The following TMOD3 variants were observed in gnomAD, a reference collection of about 807,000 sequenced individuals.
TMOD3 encodes tropomodulin 3, also known as tropomodulin-3.
TMOD3 carries 20 observed loss-of-function variants against 39.2 expected under a neutral mutation model. The observed-to-expected ratio is 0.51, with a 90% CI of 0.36 to 0.74. The LOEUF (loss-of-function observed/expected upper bound fraction) is 0.74. Ranked by LOEUF, TMOD3 falls within the 30% of genes least tolerant of loss-of-function variation. TMOD3 has a pLI of 0.00. For synonymous variants in TMOD3, 143 were observed against 145.8 expected (o/e 0.98, Z 0.14); for missense variants, 381 against 412.8 (o/e 0.92, Z 0.67).
intron 1 of TMOD3, among the ~76,000 whole-genome samples, chr15:51,831,905 G>A (rs1378004046): frequency 2.0e-5 from 3 of 152,068 alleles, no homozygotes; most frequent in Non-Finnish European, 4.4e-5. Context: ...GGCCAGGGCC[G>A]GGCCTGGTGG....
intron 9 of TMOD3, among the ~76,000 whole-genome samples, chr15:51,908,399 C>A (rs1213429046): frequency 6.6e-6 from 1 of 152,080 alleles, no homozygotes; most frequent in East Asian, 1.9e-4. Context: ...GATAGTGAGA[C>A]CTAATGTCTG....
At chr15:51,900,065 A>G (rs2056641641) in intron 7 of TMOD3, 90 bp from the exon 8 acceptor site, 1 of 1,202,334 alleles carries the variant, frequency 8.3e-7, no homozygotes, top group South Asian at 1.4e-5. Flanking sequence ...ACATTAAGGC[A>G]GTTAATTAAT....
At chr15:51,891,649 C>G (rs955516418) in intron 5 of TMOD3, among the ~76,000 whole-genome samples, 2 of 152,174 alleles carry the variant, frequency 1.3e-5, no homozygotes, top group Non-Finnish European at 2.9e-5. Flanking sequence ...ATTTCTCTCC[C>G]CATTCCATCT....
At chr15:51,850,987 C>A (rs1290497604) in intron 1 of TMOD3, among the ~76,000 whole-genome samples, 1 of 152,264 alleles carries the variant, frequency 6.6e-6, no homozygotes, top group Admixed American at 6.5e-5. Flanking sequence ...CCAACCTTGG[C>A]CTCCCAAAGT....
chr15:51,904,561 C>T (rs752188280), intron 9 of TMOD3, among the ~76,000 whole-genome samples: 4 of 152,226 alleles, frequency 2.6e-5, no homozygotes, highest in Admixed American at 6.5e-5. Flanking sequence ...TGTTACTTAC[C>T]TCCCTCCAGG....
At chr15:51,895,754 A>G (rs2056617513) in intron 6 of TMOD3, among the ~76,000 whole-genome samples, 1 of 152,160 alleles carries the variant, frequency 6.6e-6, no homozygotes, top group Admixed American at 6.5e-5. Flanking sequence ...TACTCATCAG[A>G]GATGGACTCC....
intron 1 of TMOD3, among the ~76,000 whole-genome samples, chr15:51,837,161 G>C (rs2056290336): frequency 6.6e-6 from 1 of 152,102 alleles, no homozygotes; most frequent in African/African-American, 2.4e-5. Context: ...TATTATTAGT[G>C]ATACTTATAC....
At chr15:51,902,940 C>T (rs1041218832) in intron 9 of TMOD3, among the ~76,000 whole-genome samples, 12 of 152,072 alleles carry the variant, frequency 7.9e-5, no homozygotes, top group Admixed American at 6.5e-4. Context: ...CGTGAGCCAC[C>T]GCGCCCGGCC....
At chr15:51,857,072 A>G (rs1191882895) in intron 1 of TMOD3, among the ~76,000 whole-genome samples, 1 of 152,252 alleles carries the variant, frequency 6.6e-6, no homozygotes, top group East Asian at 1.9e-4. Context: ...AAAGTAGTAT[A>G]GCTCTAAGCA....
intron 3 of TMOD3, among the ~76,000 whole-genome samples, chr15:51,879,877 C>CACACACACACAA (rs2056524314): frequency 6.6e-6 from 1 of 151,440 alleles, no homozygotes; most frequent in Non-Finnish European, 1.5e-5. Context: ...CACACACACA[C>CACACACACACAA]ACACACACAC....
At position 51,911,764 on chromosome 15, in the gene TMOD3, T is replaced by C. The variant is rs2056713067; in HGVS notation, c.*2954T>C. 1.3e-5 allele frequency: 2 copies of C among 152,216 alleles called. No homozygotes were observed. Among genetic ancestry groups the C allele is most frequent in the South Asian group, 4.2e-4 (2 of 4,818 alleles). 9.4% of individuals were successfully genotyped at this position (152,216 alleles called of 1,614,324 possible). A position where few individuals can be genotyped will look rare whatever the true frequency, so the allele number is the denominator to read the frequency against. On this transcript the variant is annotated 3_prime_UTR_variant, in exon 10 of 10. Coordinates refer to ENST00000308580, the MANE Select transcript of TMOD3 (RefSeq NM_014547.5). ...GAAATTGTATGTATTAAAAACTCAA[T>C]ATTAGTGGCAAATATTAATACTATT...
Position 51,913,609 on chromosome 15 carries a change from A to C in TMOD3, c.*4799A>C, listed in dbSNP as rs987909520. The C allele has an allele frequency of 6.6e-6, 1 of 152,360 alleles. No individual in the cohort carries two copies. Among genetic ancestry groups the C allele is most frequent in the East Asian group, 1.9e-4 (1 of 5,192 alleles). 9.4% of individuals were successfully genotyped at this position (152,360 alleles called of 1,614,324 possible). A position where few individuals can be genotyped will look rare whatever the true frequency, so the allele number is the denominator to read the frequency against. On this transcript the variant is annotated 3_prime_UTR_variant, in exon 10 of 10. Transcript: ENST00000308580. ...AATAAAACATATTTTATTAATTTTA[A>C]ACTCTATCTTGCAGTCTGATCATTC... is the stretch of plus-strand genomic sequence containing the variant.
intron 1 of TMOD3, chr15:51,859,312 A>G (rs1399552370): frequency 1.6e-5 from 12 of 727,910 alleles, no homozygotes; most frequent in East Asian, 2.8e-5. Context: ...GGGTGGTTCA[A>G]TGGTTCCTTG....
chr15:51,834,558 C>T (rs1247436693), intron 1 of TMOD3, among the ~76,000 whole-genome samples: 2 of 152,126 alleles, frequency 1.3e-5, no homozygotes, highest in African/African-American at 2.4e-5. Context: ...CGGCCAGGCA[C>T]AGTGGCTCAC....
Position 51,899,670 on chromosome 15 carries a change from A to G in TMOD3, c.736-485A>G, listed in dbSNP as rs1435484444. On this transcript the variant is annotated intron_variant, in intron 7 of 9. Transcript: ENST00000308580. ...GACAGGGCAAGACCCTGTCTCAAAA[A>G]AAAAAAAAAGAAAGAAAAGTAGATA... 3.3e-5 allele frequency among the ~76,000 whole-genome samples: 5 copies of G among 152,156 alleles called. No individual in the cohort carries two copies. In the Middle Eastern group the frequency reaches 0.01, roughly 311 times the overall value.
intron 1 of TMOD3, chr15:51,859,754 A>G (rs1051840052): frequency 1.2e-5 from 6 of 492,800 alleles, no homozygotes; most frequent in Middle Eastern, 3.4e-4. Context: ...ATGCACCTTC[A>G]TCTGCCACAT....
At chr15:51,897,594 C>T (rs1307618069) in intron 7 of TMOD3, among the ~76,000 whole-genome samples, 1 of 149,524 alleles carries the variant, frequency 6.7e-6, no homozygotes, top group African/African-American at 2.5e-5. Flanking sequence ...AAGCGATTCT[C>T]CTGCCTCAGC....
chr15:51,859,312 A>T, intron 1 of TMOD3: 1 of 728,028 alleles, frequency 1.4e-6, no homozygotes, highest in East Asian at 2.8e-5. Flanking sequence ...GGGTGGTTCA[A>T]TGGTTCCTTG....
intron 2 of TMOD3, among the ~76,000 whole-genome samples, chr15:51,868,509 C>T (rs1437491888): frequency 6.6e-6 from 1 of 152,128 alleles, no homozygotes; most frequent in Non-Finnish European, 1.5e-5. Flanking sequence ...CATCACTTAG[C>T]TCTATATGTG....
Sources: allele counts gnomAD v4.1 joint callset (sites outside exome capture counted in the v4.1 genomes callset), GRCh38; gene constraint gnomAD v4.1.1; transcripts MANE v1.5; gene names NCBI Gene and HGNC (gene_info 2026-07-23, HGNC 2026-07-21).